CBLC: variants seen among roughly 807,000 people sequenced by gnomAD.
CBLC encodes Cbl proto-oncogene C.
In CBLC, 46 loss-of-function variants were observed where a neutral mutation model predicts 58.6. The ratio of observed to expected loss-of-function variants is 0.79; its 90% CI spans 0.62 to 1.00. The LOEUF (loss-of-function observed/expected upper bound fraction) is 1.00. Ranked by LOEUF, CBLC falls within the 50% of genes least tolerant of loss-of-function variation. CBLC has a pLI of 0.00. For synonymous variants in CBLC, 271 were observed against 264.2 expected, an observed-to-expected ratio of 1.03 and a Z score of -0.25; for missense variants, 655 against 625.8, an observed-to-expected ratio of 1.05 and a Z score of -0.50.
At position 44,777,954 on chromosome 19, in the gene CBLC, G is replaced by C; in HGVS notation, c.23G>C (p.Trp8Ser). ...CCCATGGCTCTGGCGGTGGCCCCGT[G>C]GGGGCGACAGTGGGAAGAGGCCCGC... MALAVAP[W>S]GRQWEEARAL... The change falls in exon 1 of 11, where the codon TGG (tryptophan) becomes TCG (serine). Residue 8 changes from tryptophan to serine, a missense_variant. Trp to Ser is a radical substitution (Grantham distance 177, BLOSUM62 -3). Around this residue, in one of 3 missense-constraint regions of CBLC, gnomAD observed 280 missense variants for 237.2 expected, o/e 1.18. Coordinates refer to ENST00000647358, the MANE Select transcript of CBLC (RefSeq NM_012116.4). 1 of 1,599,292 alleles carries C rather than the reference G, an allele frequency of 6.3e-7. No homozygotes were observed. Among genetic ancestry groups the C allele is most frequent in the Non-Finnish European group, 8.5e-7 (1 of 1,175,922 alleles).
At position 44,793,584 on chromosome 19, in the gene CBLC, C is replaced by T. The variant is rs753854663; in HGVS notation, c.1248C>T (p.Ser416=). ...CTACTGCTGAGGACTCAGGGAACAG[C>T]AGTGACCAGGAAGGCAGGGAGTTGG... is the stretch of plus-strand genomic sequence containing the variant. ...GQATAEDSGN[S]SDQEGRELEL... is the part of the protein sequence containing the mutation. The change falls in exon 8 of 11, where the codon AGC becomes AGT. Residue 416 remains serine, a synonymous_variant. Coordinates refer to ENST00000647358, the MANE Select transcript of CBLC (RefSeq NM_012116.4). The T allele has an allele frequency of 5.0e-6, 8 of 1,606,152 alleles. No homozygotes were observed. The South Asian group carries it at 7.8e-5, about 16-fold the overall frequency.
chr19:44,784,307 A>T lies in CBLC; in HGVS notation c.823A>T (p.Ile275Phe). Residue 275 changes from isoleucine (I) to phenylalanine (F), a missense_variant, in exon 5 of 11, where the codon ATC (isoleucine) becomes TTC (phenylalanine). Physicochemically the swap from Ile to Phe is conservative, Grantham distance 21. This residue lies in a region of CBLC where 371 missense variants were observed against 370.8 expected (regional missense o/e 1.00). Transcript: ENST00000647358. ...CTGTACTCGCCTGGGGCAGTGGGCC[A>T]TCGGCTATGTGAGCTCAGATGGCAG... Reference protein sequence around the residue: ...PSCTRLGQWAIGYVSSDGSIL... With the variant: ...PSCTRLGQWAFGYVSSDGSIL... 1.9e-6 allele frequency: 3 copies of T among 1,597,314 alleles called. No individual in the cohort carries two copies. Among genetic ancestry groups the T allele is most frequent in the Middle Eastern group, 3.3e-4 (2 of 5,992 alleles).
chr19:44,787,496 T>G (rs1967941104), intron 5 of CBLC, among the ~76,000 whole-genome samples: 1 of 151,612 alleles, frequency 6.6e-6, no homozygotes, highest in Non-Finnish European at 1.5e-5. Context: ...TTTTTCTAAT[T>G]TAAAAAATTT....
At position 44,794,282 on chromosome 19, in the gene CBLC, G is replaced by A. The variant is rs753825185; in HGVS notation, c.1362+1G>A. Reference sequence around the variant, plus strand: ...GCCCAGAAATGCCCAGCCGAAAGTGGTGAGTCAGGCGCTGGTCTGAGGTTG... The same window carrying A: ...GCCCAGAAATGCCCAGCCGAAAGTGATGAGTCAGGCGCTGGTCTGAGGTTG... On this transcript the variant is annotated splice_donor_variant, in intron 9 of 10. Coordinates refer to ENST00000647358, the MANE Select transcript of CBLC (RefSeq NM_012116.4). LOFTEE classifies it high-confidence loss of function. 3 of 1,613,058 alleles carry A rather than the reference G, an allele frequency of 1.9e-6. No individual in the cohort carries two copies. Among genetic ancestry groups the A allele is most frequent in the East Asian group, 2.2e-5 (1 of 44,758 alleles).
At position 44,792,443 on chromosome 19, in the gene CBLC, G is replaced by C. The variant is rs763654909; in HGVS notation, c.1066G>C (p.Glu356Gln). ...STFELCKICA[E>Q]SNKDVKIEPC... is the part of the protein sequence containing the mutation. ...ATTTGAGCTCTGCAAGATCTGTGCT[G>C]AGAGCAACAAGGATGTGAAGATTGA... The change falls in exon 7 of 11, where the codon GAG becomes CAG. Residue 356 changes from glutamate (E) to glutamine (Q), a missense_variant. Around this residue, in one of 3 missense-constraint regions of CBLC, gnomAD observed 371 missense variants for 370.8 expected, o/e 1.00. Transcript: ENST00000647358. 6.2e-7 allele frequency: 1 copy of C among 1,613,444 alleles called. No homozygotes were observed. Among genetic ancestry groups the C allele is most frequent in the South Asian group, 1.1e-5 (1 of 91,050 alleles).
At chr19:44,799,842 A>T (rs1968255648) in intron 9 of CBLC, among the ~76,000 whole-genome samples, 1 of 151,810 alleles carries the variant, frequency 6.6e-6, no homozygotes, top group South Asian at 2.1e-4. Context: ...AAAGAAAGAA[A>T]AGAAAAGAAA....
chr19:44,788,111 C>T (rs1286352822), intron 5 of CBLC, among the ~76,000 whole-genome samples: 1 of 151,454 alleles, frequency 6.6e-6, no homozygotes, highest in Non-Finnish European at 1.5e-5. Flanking sequence ...CTTCATGTTT[C>T]TTTTGGTGGT....
At position 44,782,432 on chromosome 19, in the gene CBLC, C is replaced by T; in HGVS notation, c.720C>T (p.Ala240=). 1 of 1,613,918 alleles carries T rather than the reference C, an allele frequency of 6.2e-7. No homozygotes were observed. The highest frequency in any genetic ancestry group is 1.3e-5 in the African/African-American group (1 of 75,030). The change falls in exon 4 of 11, where the codon GCC becomes GCT. Residue 240 remains alanine (A), a synonymous_variant. Transcript: ENST00000647358. The stretch of plus-strand genomic sequence containing the variant: ...CAGTCAACCACCCAGGCTACATGGC[C>T]TTCCTCACCTATGATGAGGTCCAAG... The part of the protein sequence containing the change: ...LLAVNHPGYM[A]FLTYDEVQER...
chr19:44,799,772 G>A (rs1220834999), intron 9 of CBLC, among the ~76,000 whole-genome samples: 1 of 150,538 alleles, frequency 6.6e-6, no homozygotes, highest in African/African-American at 2.5e-5. Context: ...AGAAAGAAAG[G>A]GAGGGAGGGA....
Position 44,781,671 on chromosome 19 carries a change from A to G in CBLC, c.657+308A>G, listed in dbSNP as rs1310063877. 3.3e-4 allele frequency among the ~76,000 whole-genome samples: 19 copies of G among 57,462 alleles called. No individual in the cohort carries two copies. In the East Asian group the frequency reaches 4.3e-3, roughly 13 times the overall value. 37.7% of individuals were successfully genotyped at this position (57,462 alleles called of 152,430 possible). A position where few individuals can be genotyped will look rare whatever the true frequency, so the allele number is the denominator to read the frequency against. Reference sequence around the variant, plus strand: ...CTGGACTCCTGGGTCTGAGGGAGGAAGGCCTGGGGCCTGGACTCCTGGGTC... The same window carrying G: ...CTGGACTCCTGGGTCTGAGGGAGGAGGGCCTGGGGCCTGGACTCCTGGGTC... On this transcript the variant is annotated intron_variant, in intron 3 of 10. Transcript: ENST00000647358.
At position 44,794,268 on chromosome 19, in the gene CBLC, C is replaced by G. The variant is rs138476890; in HGVS notation, c.1349C>G (p.Ala450Gly). 3.8e-5 allele frequency: 62 copies of G among 1,612,674 alleles called. 1 individual carries two copies. The highest frequency in any genetic ancestry group is 1.6e-4 in the South Asian group (15 of 90,922). Residue 450 changes from alanine to glycine, a missense_variant, in exon 9 of 11, where the codon GCC (alanine) becomes GGC (glycine). Coordinates refer to ENST00000647358, the MANE Select transcript of CBLC (RefSeq NM_012116.4). ...CTGCCCCCCAGGAAGCCCAGAAATG[C>G]CCAGCCGAAAGTGGTGAGTCAGGCG... is the stretch of plus-strand genomic sequence containing the variant. ...PDLPPRKPRN[A>G]QPKVRLLKGN...
chr19:44,799,094 C>T (rs890010986), intron 9 of CBLC, among the ~76,000 whole-genome samples: 7 of 152,262 alleles, frequency 4.6e-5, no homozygotes, highest in Admixed American at 1.3e-4. Context: ...TCAGTCACTG[C>T]GAGCCTCGGG....
chr19:44,800,338 G>C (rs370308752), intron 9 of CBLC, 43 bp from the exon 10 acceptor site: 115 of 1,355,918 alleles, frequency 8.5e-5, no homozygotes, highest in Non-Finnish European at 1.1e-4. Flanking sequence ...GGAAAGATTG[G>C]ATGCCGGGAA....
intron 5 of CBLC, among the ~76,000 whole-genome samples, chr19:44,784,971 TTTTTTTTTTTTTTTTTTTG>T (rs1967857924): frequency 8.0e-6 from 1 of 125,762 alleles, no homozygotes; most frequent in African/African-American, 3.0e-5. Flanking sequence ...TTTTTTTTTT[TTTTTTTTTTTTTTTTTTTG>T]AGACAGAGTC....
At chr19:44,790,683 G>A (rs954863815) in intron 6 of CBLC, among the ~76,000 whole-genome samples, 4 of 151,974 alleles carry the variant, frequency 2.6e-5, no homozygotes, top group Admixed American at 6.6e-5. Flanking sequence ...CAATCCTCCC[G>A]CCTCCACCTC....
In CBLC at chr19:44,779,553, C is replaced by CTTTTTTTTTTT. The variant is rs774514447; in HGVS notation, c.353+1274_353+1284dup. 7.2e-4 allele frequency among the ~76,000 whole-genome samples: 99 copies of CTTTTTTTTTTT among 137,242 alleles called. 1 individual carries two copies. Among genetic ancestry groups the CTTTTTTTTTTT allele is most frequent in the African/African-American group, 2.7e-3 (95 of 35,354 alleles). The allele number at this position is 137,242 out of a possible 152,430, so 90.0% of individuals were successfully genotyped here. On this transcript the variant is annotated intron_variant, in intron 1 of 10. Coordinates refer to ENST00000647358, the MANE Select transcript of CBLC (RefSeq NM_012116.4). ...TTATATTAAATATTTTGTAGTGTCT[C>CTTTTTTTTTTT]TTTTTTTTTTTTTTTGGACACAAGG... is the stretch of plus-strand genomic sequence containing the variant.
intron 1 of CBLC, among the ~76,000 whole-genome samples, chr19:44,779,121 C>T (rs1967656451): frequency 6.6e-6 from 1 of 152,182 alleles, no homozygotes; most frequent in Admixed American, 6.5e-5. Context: ...TTAGCTATTA[C>T]TATTATTCTC....
Position 44,781,270 on chromosome 19 carries a change from C to A in CBLC, c.564C>A (p.Gly188=), listed in dbSNP as rs774190239. The A allele has an allele frequency of 6.2e-7, 1 of 1,613,734 alleles. No individual in the cohort carries two copies. The highest frequency in any genetic ancestry group is 8.5e-7 in the Non-Finnish European group (1 of 1,179,966). Residue 188 remains glycine, a synonymous_variant, in exon 3 of 11, where the codon GGC becomes GGA. Transcript: ENST00000647358. ...LLGTCHPVEP[G]CTALALRTTI... The stretch of plus-strand genomic sequence containing the variant: ...GCACCTGCCACCCTGTGGAACCAGG[C>A]TGCACAGCCCTGGCCTTGCGCACCA...
At chr19:44,800,096 T>C (rs1968262255) in intron 9 of CBLC, among the ~76,000 whole-genome samples, 1 of 152,154 alleles carries the variant, frequency 6.6e-6, no homozygotes, top group African/African-American at 2.4e-5. Flanking sequence ...GCCACCACTG[T>C]GTCACCCCTG....
Sources: allele counts gnomAD v4.1 joint callset (sites outside exome capture counted in the v4.1 genomes callset), GRCh38; gene constraint gnomAD v4.1.1; regional missense constraint gnomAD v4.1.1; transcripts MANE v1.5; gene names NCBI Gene and HGNC (gene_info 2026-07-23, HGNC 2026-07-21).